TAOK3: variants seen among roughly 807,000 people sequenced by gnomAD.
TAOK3 encodes the protein TAO kinase 3.
Under a neutral mutation model 120.4 loss-of-function variants are expected in TAOK3, and 40 were observed. The observed-to-expected ratio is 0.33, with a 90% CI of 0.26 to 0.43. TAOK3 has a LOEUF of 0.43. Among genes scored for constraint, TAOK3 ranks in the 20% least tolerant of loss-of-function variants. The pLI, the probability that TAOK3 is intolerant of heterozygous loss-of-function variation, is 1.00. For missense variants in TAOK3, 821 were observed against 1,112.1 expected (o/e 0.74, Z 3.72); for synonymous variants, 355 against 387.5 (o/e 0.92, Z 0.99).
intron 1 of TAOK3, among the ~76,000 whole-genome samples, chr12:118,296,712 A>G (rs926251092): frequency 2.0e-5 from 3 of 152,358 alleles, no homozygotes; most frequent in Non-Finnish European, 2.9e-5. Flanking sequence ...TACAAAAGCC[A>G]AAGTATTTTC....
intron 13 of TAOK3, among the ~76,000 whole-genome samples, chr12:118,197,682 CTTTTTTT>C (rs67635506): frequency 1.1e-5 from 1 of 90,780 alleles, no homozygotes; most frequent in Non-Finnish European, 2.0e-5. Flanking sequence ...GCAAAACCTT[CTTTTTTT>C]TTTTTTTTTT....
rs2034382048 is a variant in TAOK3 at position 118,151,215 on chromosome 12, T to C, written c.2536-57A>G. On this transcript the variant is annotated intron_variant, in intron 20 of 20. Coordinates refer to ENST00000392533, the MANE Select transcript of TAOK3 (RefSeq NM_016281.4). ...AAGCATCTCCTAACAGGCACCCACG[T>C]GCACGCGATACACCCATAGGCACAC... 8.8e-6 allele frequency: 14 copies of C among 1,584,126 alleles called. 1 individual carries two copies. In the South Asian group the frequency reaches 1.6e-4, roughly 18 times the overall value.
chr12:118,218,517 GTGTAATGTAAA>G (rs1307233236), intron 9 of TAOK3, among the ~76,000 whole-genome samples: 2 of 152,022 alleles, frequency 1.3e-5, no homozygotes, highest in Non-Finnish European at 2.9e-5. Context: ...ATGATATCTA[GTGTAATGTAAA>G]TGTTATGTAA....
At chr12:118,219,868 C>T (rs1392312858) in intron 9 of TAOK3, among the ~76,000 whole-genome samples, 2 of 148,146 alleles carry the variant, frequency 1.4e-5, no homozygotes, top group Non-Finnish European at 3.0e-5. Flanking sequence ...CCCGCCCCAA[C>T]CTCCCAAAGT....
chr12:118,180,052 A>G (rs1315232802), intron 15 of TAOK3, among the ~76,000 whole-genome samples: 1 of 148,038 alleles, frequency 6.8e-6, no homozygotes, highest in Non-Finnish European at 1.5e-5. Context: ...GGTTCAAGCG[A>G]TTCTCCTGCC....
At chr12:118,218,548 C>A (rs1231519738) in intron 9 of TAOK3, among the ~76,000 whole-genome samples, 1 of 152,050 alleles carries the variant, frequency 6.6e-6, no homozygotes, top group Non-Finnish European at 1.5e-5. Flanking sequence ...AATAGTTATA[C>A]CGCATTGTTT....
In TAOK3 at chr12:118,212,995, C is replaced by A; in HGVS notation, c.738G>T (p.Trp246Cys). The change falls in exon 11 of 21, where the codon TGG (tryptophan) becomes TGT (cysteine). Residue 246 changes from tryptophan to cysteine, a missense_variant and splice_region_variant. Around this residue, in one of 2 missense-constraint regions of TAOK3, gnomAD observed 467 missense variants for 540.0 expected, o/e 0.86. Coordinates refer to ENST00000392533, the MANE Select transcript of TAOK3 (RefSeq NM_016281.4). ...NDSPTLQSNE[W>C]TDSFRRFVDY... ...CAACAAATCTCCTAAAGGAGTCTGTCCTGTGTGTGCAAATACACAAAAGAA... is the reference window on the plus strand; with the variant it reads ...CAACAAATCTCCTAAAGGAGTCTGTACTGTGTGTGCAAATACACAAAAGAA... 6.3e-7 allele frequency: 1 copy of A among 1,598,070 alleles called. No individual in the cohort carries two copies. Among genetic ancestry groups the A allele is most frequent in the Admixed American group, 1.8e-5 (1 of 56,336 alleles).
At chr12:118,218,542 G>C (rs558059351) in intron 9 of TAOK3, among the ~76,000 whole-genome samples, 1 of 152,120 alleles carries the variant, frequency 6.6e-6, no homozygotes, top group African/African-American at 2.4e-5. Context: ...TATGTAAATA[G>C]TTATACCGCA....
intron 1 of TAOK3, among the ~76,000 whole-genome samples, chr12:118,300,567 GCGCACACACATGCA>G (rs1384370254): frequency 4.0e-5 from 6 of 151,836 alleles, no homozygotes; most frequent in African/African-American, 1.5e-4. Context: ...TCTCACTATA[GCGCACACACATGCA>G]CGCACACACA....
At chr12:118,219,147 G>A (rs1406487512) in intron 9 of TAOK3, among the ~76,000 whole-genome samples, 3 of 152,072 alleles carry the variant, frequency 2.0e-5, no homozygotes, top group Admixed American at 6.6e-5. Flanking sequence ...CATGCTTTAC[G>A]TGTGCTTCAC....
chr12:118,322,487 C>T (rs1257612130), intron 1 of TAOK3, among the ~76,000 whole-genome samples: 1 of 151,846 alleles, frequency 6.6e-6, no homozygotes, highest in Non-Finnish European at 1.5e-5. Flanking sequence ...GCAAACTTTT[C>T]TATAAAGCTC....
intron 15 of TAOK3, among the ~76,000 whole-genome samples, chr12:118,180,351 C>T (rs2036634222): frequency 6.6e-6 from 1 of 152,042 alleles, no homozygotes; most frequent in Admixed American, 6.6e-5. Flanking sequence ...AGCAATCTTC[C>T]TGCCTCAGCC....
At position 118,152,616 on chromosome 12, in the gene TAOK3, T is replaced by C. The variant is rs914307636; in HGVS notation, c.2353-207A>G. 1.7e-5 allele frequency: 9 copies of C among 526,592 alleles called. No individual in the cohort carries two copies. In the South Asian group the frequency reaches 2.7e-4, roughly 16 times the overall value. The allele number at this position is 526,592 out of a possible 1,614,324, so 32.6% of individuals were successfully genotyped here. A position where few individuals can be genotyped will look rare whatever the true frequency, so the allele number is the denominator to read the frequency against. On this transcript the variant is annotated intron_variant, in intron 19 of 20. Coordinates refer to ENST00000392533, the MANE Select transcript of TAOK3 (RefSeq NM_016281.4). ...TGGGCTACAATACCAAACACATTCT[T>C]TTCAGTATGATCTGAAACCACAGCA...
chr12:118,202,009 G>C (rs948964846), intron 11 of TAOK3, among the ~76,000 whole-genome samples: 4 of 151,542 alleles, frequency 2.6e-5, no homozygotes, highest in African/African-American at 9.7e-5. Flanking sequence ...TTTATTCTTT[G>C]TTTACTTTCC....
At chr12:118,196,143 G>A (rs1222057960) in intron 13 of TAOK3, among the ~76,000 whole-genome samples, 1 of 152,050 alleles carries the variant, frequency 6.6e-6, no homozygotes, top group African/African-American at 2.4e-5. Context: ...AAAGACCAGA[G>A]TAGAGGCAAG....
chr12:118,302,222 T>C (rs1443632118), intron 1 of TAOK3, among the ~76,000 whole-genome samples: 2 of 152,166 alleles, frequency 1.3e-5, no homozygotes, highest in Non-Finnish European at 2.9e-5. Context: ...CTGTTGGCAG[T>C]GACAGGAAGC....
chr12:118,318,916 T>C (rs914912037), intron 1 of TAOK3, among the ~76,000 whole-genome samples: 2 of 152,136 alleles, frequency 1.3e-5, no homozygotes, highest in African/African-American at 4.8e-5. Flanking sequence ...ATCCTGTCAT[T>C]TGCAACAACA....
At chr12:118,341,698 A>C (rs1341260098) in intron 1 of TAOK3, among the ~76,000 whole-genome samples, 9 of 152,270 alleles carry the variant, frequency 5.9e-5, no homozygotes, top group African/African-American at 2.2e-4. Flanking sequence ...ATTTTTATCA[A>C]GGAATTCCAC....
chr12:118,174,205 T>C (rs1282224491), intron 16 of TAOK3, among the ~76,000 whole-genome samples: 3 of 152,204 alleles, frequency 2.0e-5, no homozygotes, highest in Non-Finnish European at 2.9e-5. Flanking sequence ...CTATCAAAAG[T>C]GGTGATAATG....
Sources: allele counts gnomAD v4.1 joint callset (sites outside exome capture counted in the v4.1 genomes callset), GRCh38; gene constraint gnomAD v4.1.1; regional missense constraint gnomAD v4.1.1; transcripts MANE v1.5; gene names NCBI Gene and HGNC (gene_info 2026-07-23, HGNC 2026-07-21).